The following IL1RAP variants were observed in gnomAD, a reference collection of about 807,000 sequenced individuals.
The protein encoded by IL1RAP is interleukin 1 receptor accessory protein.
A neutral mutation model predicts 60.7 loss-of-function variants in IL1RAP; 35 were observed. The observed-to-expected ratio is 0.58, with a 90% CI of 0.44 to 0.76. The LOEUF (loss-of-function observed/expected upper bound fraction) is 0.76, where lower values mean the gene tolerates loss of function less well. Ranked by LOEUF, IL1RAP falls within the 30% of genes least tolerant of loss-of-function variation. The pLI is 0.00. For missense variants in IL1RAP, 572 were observed against 693.9 expected (o/e 0.82, Z 1.97); for synonymous variants, 268 against 250.9 (o/e 1.07, Z -0.64).
At chr3:190,552,122 T>C (rs1724917613) in intron 1 of IL1RAP, among the ~76,000 whole-genome samples, 1 of 152,198 alleles carries the variant, frequency 6.6e-6, no homozygotes, top group South Asian at 2.1e-4. Context: ...TAAAGTTTGA[T>C]TTTGGGAAGC....
intron 6 of IL1RAP, 36 bp downstream of exon 6, chr3:190,620,476 ATG>A: frequency 1.3e-6 from 2 of 1,527,220 alleles, no homozygotes; most frequent in Non-Finnish European, 8.9e-7. Flanking sequence ...CACAACAAGC[ATG>A]TGATCATCTT....
chr3:190,532,937 G>T (rs970329974), intron 1 of IL1RAP, among the ~76,000 whole-genome samples: 1 of 152,130 alleles, frequency 6.6e-6, no homozygotes, highest in African/African-American at 2.4e-5. Context: ...ATTGATGATA[G>T]TTCCTTCTGT....
chr3:190,525,038 C>T (rs1722393273), intron 1 of IL1RAP, among the ~76,000 whole-genome samples: 1 of 151,766 alleles, frequency 6.6e-6, no homozygotes, highest in South Asian at 2.1e-4. Flanking sequence ...AAATAAGTGT[C>T]TATTTATCTA....
downstream of IL1RAP, chr3:190,655,785 TCAA>T: frequency 1.2e-6 from 1 of 812,946 alleles, no homozygotes; most frequent in Non-Finnish European, 1.9e-6. Context: ...TTCTGTCATC[TCAA>T]GTGTTTGTTC....
chr3:190,574,264 C>T (rs1727250320), intron 3 of IL1RAP, among the ~76,000 whole-genome samples: 1 of 151,956 alleles, frequency 6.6e-6, no homozygotes, highest in Non-Finnish European at 1.5e-5. Flanking sequence ...CTTCCTGAAA[C>T]ATATACAGTA....
At chr3:190,555,219 G>C (rs1470703528) in intron 1 of IL1RAP, among the ~76,000 whole-genome samples, 1 of 152,084 alleles carries the variant, frequency 6.6e-6, no homozygotes, top group Non-Finnish European at 1.5e-5. Flanking sequence ...TTTTGGGCCT[G>C]TGGTGGTGAT....
chr3:190,629,994 G>A (rs902921016), intron 9 of IL1RAP: 7 of 864,616 alleles, frequency 8.1e-6, no homozygotes, highest in Non-Finnish European at 9.7e-6. Context: ...ATTATTAGAA[G>A]CATTATCTGT....
chr3:190,547,923 G>T (rs932595477), intron 1 of IL1RAP, among the ~76,000 whole-genome samples: 1 of 152,196 alleles, frequency 6.6e-6, no homozygotes, highest in Non-Finnish European at 1.5e-5. Flanking sequence ...GTGTTGCAGG[G>T]TCTGATGGAG....
Position 190,649,887 on chromosome 3 carries a change from A to G in IL1RAP, c.*1182A>G, listed in dbSNP as rs1734288969. On this transcript the variant is annotated 3_prime_UTR_variant, in exon 12 of 12. Coordinates refer to ENST00000447382, the MANE Select transcript of IL1RAP (RefSeq NM_002182.4). Reference sequence around the variant, plus strand: ...TGCTGTTTTTAAGACTTGGAAAACTAAGTGCAGAGTTTACAGAGTGGTAAA... The same window carrying G: ...TGCTGTTTTTAAGACTTGGAAAACTGAGTGCAGAGTTTACAGAGTGGTAAA... 1 of 983,714 alleles carries G rather than the reference A, an allele frequency of 1.0e-6. No individual in the cohort carries two copies. Among genetic ancestry groups the G allele is most frequent in the Non-Finnish European group, 1.2e-6 (1 of 828,408 alleles). The allele number at this position is 983,714 out of a possible 1,614,324, so 60.9% of individuals were successfully genotyped here. A position where few individuals can be genotyped will look rare whatever the true frequency, so the allele number is the denominator to read the frequency against.
intron 9 of IL1RAP, among the ~76,000 whole-genome samples, chr3:190,639,742 G>C (rs997227677): frequency 6.6e-6 from 1 of 152,098 alleles, no homozygotes; most frequent in Non-Finnish European, 1.5e-5. Context: ...TTTTGTTCTA[G>C]AGGGTAATTA....
At chr3:190,562,363 T>C (rs1725964995) in intron 2 of IL1RAP, among the ~76,000 whole-genome samples, 1 of 152,022 alleles carries the variant, frequency 6.6e-6, no homozygotes, top group African/African-American at 2.4e-5. Context: ...TACTTCATAT[T>C]GCAGGGGGTT....
intron 9 of IL1RAP, among the ~76,000 whole-genome samples, chr3:190,640,821 A>G (rs749149637): frequency 1.1e-4 from 16 of 152,206 alleles, no homozygotes; most frequent in Admixed American, 4.6e-4. Flanking sequence ...TGGAAAAAAT[A>G]CTGATTTAAG....
At position 190,564,359 on chromosome 3, in the gene IL1RAP, T is replaced by C; in HGVS notation, c.64+6T>C. On this transcript the variant is annotated splice_donor_region_variant and intron_variant, in intron 3 of 11. Transcript: ENST00000447382. ...CCTGCAAAGTGATGCCTCAGGTAAGTGAATGGCTTTTGACAATGTATTAAA... is the reference window on the plus strand; with the variant it reads ...CCTGCAAAGTGATGCCTCAGGTAAGCGAATGGCTTTTGACAATGTATTAAA... The C allele has an allele frequency of 6.3e-7, 1 of 1,598,726 alleles. No homozygotes were observed. Among genetic ancestry groups the C allele is most frequent in the Non-Finnish European group, 8.6e-7 (1 of 1,166,118 alleles).
chr3:190,655,334 G>A (rs187711499), downstream of IL1RAP, among the ~76,000 whole-genome samples: 10 of 152,186 alleles, frequency 6.6e-5, no homozygotes, highest in Admixed American at 3.3e-4. Flanking sequence ...TATGGAATAA[G>A]AGAAATATCC....
intron 2 of IL1RAP, among the ~76,000 whole-genome samples, chr3:190,563,158 T>G (rs1217560447): frequency 6.6e-6 from 1 of 152,234 alleles, no homozygotes; most frequent in Non-Finnish European, 1.5e-5. Flanking sequence ...ATGGTCATCT[T>G]ATTTATCAAA....
At chr3:190,582,325 T>A (rs964740996) in intron 3 of IL1RAP, among the ~76,000 whole-genome samples, 4 of 151,964 alleles carry the variant, frequency 2.6e-5, no homozygotes, top group Non-Finnish European at 4.4e-5. Flanking sequence ...TTCTTTTTTT[T>A]TTTTTTCATT....
intron 3 of IL1RAP, among the ~76,000 whole-genome samples, chr3:190,572,949 C>T (rs1197111071): frequency 5.9e-5 from 3 of 50,906 alleles, no homozygotes; most frequent in Non-Finnish European, 8.9e-5. Flanking sequence ...CTGCAAGCTC[C>T]GCCTCCCGGG....
intron 3 of IL1RAP, among the ~76,000 whole-genome samples, chr3:190,574,860 A>G (rs76856287): frequency 0.032 from 4,869 of 152,278 alleles, 251 homozygotes; most frequent in African/African-American, 0.11. Context: ...CAAGTACACA[A>G]AAGTATGGGC....
intron 3 of IL1RAP, among the ~76,000 whole-genome samples, chr3:190,590,594 A>T (rs926045531): frequency 6.6e-6 from 1 of 152,204 alleles, no homozygotes; most frequent in Non-Finnish European, 1.5e-5. Flanking sequence ...ATGGGCAGCG[A>T]TGCCATTTAG....
Sources: gnomAD v4.1 joint callset for allele counts (sites outside exome capture counted in the v4.1 genomes callset) on GRCh38, gnomAD v4.1.1 for gene constraint, MANE v1.5 for transcripts, NCBI Gene and HGNC (gene_info 2026-07-23, HGNC 2026-07-21) for gene names.